The following TSHZ1 variants were observed in gnomAD, a reference collection of about 807,000 sequenced individuals.
The protein encoded by TSHZ1 is teashirt zinc finger homeobox 1, also known as teashirt homolog 1.
A neutral mutation model predicts 67.1 loss-of-function variants in TSHZ1; 12 were observed. The observed-to-expected ratio is 0.18, with a 90% CI of 0.11 to 0.29. TSHZ1 has a LOEUF of 0.29. Among genes scored for constraint, TSHZ1 ranks in the 10% least tolerant of loss-of-function variants. The pLI, the probability that TSHZ1 is intolerant of heterozygous loss-of-function variation, is 1.00. For synonymous variants in TSHZ1, 632 were observed against 622.4 expected, an observed-to-expected ratio of 1.02 and a Z score of -0.23; for missense variants, 1,305 against 1,413.9, an observed-to-expected ratio of 0.92 and a Z score of 1.23.
intron 1 of TSHZ1, among the ~76,000 whole-genome samples, chr18:75,258,176 GCTC>G (rs1343861989): frequency 6.6e-6 from 1 of 152,162 alleles, no homozygotes; most frequent in Non-Finnish European, 1.5e-5. Context: ...CTTCCTCTGT[GCTC>G]CTCCACAGCC....
At chr18:75,237,138 A>G (rs969797546) in intron 1 of TSHZ1, among the ~76,000 whole-genome samples, 14 of 152,136 alleles carry the variant, frequency 9.2e-5, no homozygotes, top group African/African-American at 3.1e-4. Flanking sequence ...AAGGATCCTG[A>G]GATCTGTTCT....
chr18:75,253,597 G>A (rs1178161550), intron 1 of TSHZ1, among the ~76,000 whole-genome samples: 1 of 152,210 alleles, frequency 6.6e-6, no homozygotes, highest in Non-Finnish European at 1.5e-5. Context: ...CCCTGGAAAA[G>A]GAAACCATCT....
intron 1 of TSHZ1, among the ~76,000 whole-genome samples, chr18:75,244,393 G>C (rs1357832772): frequency 6.6e-6 from 1 of 152,218 alleles, no homozygotes; most frequent in Non-Finnish European, 1.5e-5. Context: ...GCATTCTACT[G>C]AACATTTTGA....
Position 75,288,985 on chromosome 18 carries a change from T to C in TSHZ1, c.*344T>C, listed in dbSNP as rs2023825707. Reference sequence around the variant, plus strand: ...AAAAAGACATCCTAAAATGGTGAAGTTGCCATGACAATAAAGGTCATAGAA... The same window carrying C: ...AAAAAGACATCCTAAAATGGTGAAGCTGCCATGACAATAAAGGTCATAGAA... On this transcript the variant is annotated 3_prime_UTR_variant, in exon 2 of 2. Coordinates refer to ENST00000580243, the MANE Select transcript of TSHZ1 (RefSeq NM_001308210.2). The surrounding 1 kb of genome is among the most constrained non-coding windows in gnomAD (Gnocchi z 4.9). 1 of 193,926 alleles carries C rather than the reference T, an allele frequency of 5.2e-6. No individual in the cohort carries two copies. Among genetic ancestry groups the C allele is most frequent in the Non-Finnish European group, 1.2e-5 (1 of 86,686 alleles). 12.0% of individuals were successfully genotyped at this position (193,926 alleles called of 1,614,324 possible). A position where few individuals can be genotyped will look rare whatever the true frequency, so the allele number is the denominator to read the frequency against.
At chr18:75,226,187 G>A (rs1403181588) in intron 1 of TSHZ1, among the ~76,000 whole-genome samples, 1 of 152,102 alleles carries the variant, frequency 6.6e-6, no homozygotes. Flanking sequence ...AGTCCTGATG[G>A]GGGAGGAAAA....
chr18:75,247,989 C>G (rs1462351859), intron 1 of TSHZ1, among the ~76,000 whole-genome samples: 1 of 151,912 alleles, frequency 6.6e-6, no homozygotes, highest in Non-Finnish European at 1.5e-5. Context: ...CATTCAGAAA[C>G]CACAGTAAGA....
intron 1 of TSHZ1, among the ~76,000 whole-genome samples, chr18:75,250,710 G>A (rs1158848189): frequency 6.6e-6 from 1 of 152,250 alleles, no homozygotes; most frequent in Non-Finnish European, 1.5e-5. Flanking sequence ...AGCAGAGCTC[G>A]TGGGCCGGGC....
At chr18:75,264,747 T>C (rs1468955393) in intron 1 of TSHZ1, among the ~76,000 whole-genome samples, 1 of 152,160 alleles carries the variant, frequency 6.6e-6, no homozygotes, top group Non-Finnish European at 1.5e-5. Context: ...CTTATCAGGG[T>C]ATGCATACTT....
At chr18:75,243,645 CGTTT>C (rs1253332672) in intron 1 of TSHZ1, among the ~76,000 whole-genome samples, 2 of 152,050 alleles carry the variant, frequency 1.3e-5, no homozygotes, top group African/African-American at 2.4e-5. Flanking sequence ...CTCCTTGTGG[CGTTT>C]GTTTGTGGAT....
intron 1 of TSHZ1, among the ~76,000 whole-genome samples, chr18:75,217,874 TA>T (rs2022792674): frequency 6.6e-6 from 1 of 152,206 alleles, no homozygotes; most frequent in Admixed American, 6.5e-5. Context: ...TCGATTGTTA[TA>T]AAAAGAAACC....
In TSHZ1 at chr18:75,288,368, T is replaced by G; in HGVS notation, c.2961T>G (p.Ser987Arg). Residue 987 changes from serine (S) to arginine (R), a missense_variant, in exon 2 of 2, where the codon AGT becomes AGG. By Grantham distance (110) the Ser-to-Arg change is moderately radical. Coordinates refer to ENST00000580243, the MANE Select transcript of TSHZ1 (RefSeq NM_001308210.2). This position sits in a 1 kb window ranked among gnomAD's most constrained non-coding sequence, Gnocchi z 4.9. ...TCAGAACTGCTTCTACATACATAAG[T>G]CATTTGGAGACACACTTGGGCTTCA... ...SQFRTASTYI[S>R]HLETHLGFSL... is the part of the protein sequence containing the mutation. 6.2e-7 allele frequency: 1 copy of G among 1,614,166 alleles called. No homozygotes were observed. Among genetic ancestry groups the G allele is most frequent in the Non-Finnish European group, 8.5e-7 (1 of 1,180,040 alleles).
rs762335678 is a variant in TSHZ1 at position 75,286,852 on chromosome 18, G to C, written c.1445G>C (p.Ser482Thr). The change falls in exon 2 of 2, where the codon AGC becomes ACC. Residue 482 changes from serine to threonine, a missense_variant. Physicochemically the swap from Ser to Thr is moderately conservative, Grantham distance 58 (BLOSUM62 1). This residue lies in a region of TSHZ1 where 909 missense variants were observed against 961.8 expected (regional missense o/e 0.95). Transcript: ENST00000580243. This position sits in a 1 kb window ranked among gnomAD's most constrained non-coding sequence, Gnocchi z 5.1. ...PTTHTRLPAS[S>T]IKKQPDSPAG... ...ACCCACACGCGGCTGCCGGCCTCCA[G>C]CATCAAAAAGCAGCCCGACTCTCCC... The C allele has an allele frequency of 6.8e-6, 11 of 1,614,048 alleles. No individual in the cohort carries two copies. The East Asian group carries it at 2.5e-4, about 36-fold the overall frequency.
At chr18:75,285,421 T>C in intron 1 of TSHZ1, 27 bp from the exon 2 acceptor site, 2 of 1,432,864 alleles carry the variant, frequency 1.4e-6, no homozygotes, top group Non-Finnish European at 1.8e-6. Flanking sequence ...TTACTTCTTC[T>C]AACTGGGTTT....
chr18:75,247,520 ACTTTG>A (rs2023239585), intron 1 of TSHZ1, among the ~76,000 whole-genome samples: 1 of 152,244 alleles, frequency 6.6e-6, no homozygotes, highest in Admixed American at 6.5e-5. Flanking sequence ...AAGTTATCTT[ACTTTG>A]AAAAGAACGA....
chr18:75,228,106 G>A (rs747431490), intron 1 of TSHZ1, among the ~76,000 whole-genome samples: 4 of 152,198 alleles, frequency 2.6e-5, no homozygotes, highest in African/African-American at 7.2e-5. Context: ...ACCTGAAAAC[G>A]CGGATCCATG....
At chr18:75,241,782 G>C (rs1013983124) in intron 1 of TSHZ1, among the ~76,000 whole-genome samples, 1 of 151,670 alleles carries the variant, frequency 6.6e-6, no homozygotes, top group Non-Finnish European at 1.5e-5. Context: ...CCCTCTGAAG[G>C]CTCCAGAGGA....
At chr18:75,226,989 A>C (rs961051552) in intron 1 of TSHZ1, among the ~76,000 whole-genome samples, 1 of 152,158 alleles carries the variant, frequency 6.6e-6, no homozygotes. Context: ...GATTGTTCCA[A>C]GCCCAGGAAC....
chr18:75,272,900 A>G (rs561392612), intron 1 of TSHZ1, among the ~76,000 whole-genome samples: 1 of 152,372 alleles, frequency 6.6e-6, no homozygotes, highest in African/African-American at 2.4e-5. Context: ...CTGGCCTGTC[A>G]TATTAAATGC....
Position 75,274,935 on chromosome 18 carries a change from C to G in TSHZ1, c.41-10513C>G, listed in dbSNP as rs142244769. Among the ~76,000 whole-genome samples the G allele has an allele frequency of 7.1e-3, 1,087 of 152,278 alleles. 10 individuals are homozygous for G. Among genetic ancestry groups the G allele is most frequent in the African/African-American group, 0.024 (983 of 41,548 alleles). On this transcript the variant is annotated intron_variant, in intron 1 of 1. Coordinates refer to ENST00000580243, the MANE Select transcript of TSHZ1 (RefSeq NM_001308210.2). The stretch of plus-strand genomic sequence containing the variant: ...TGTTACCCTCTGTTTGGTTTCCAGT[C>G]AAGTATAGAGACAATTATGCAGGAT...
Sources: gnomAD v4.1 joint callset for allele counts (sites outside exome capture counted in the v4.1 genomes callset) on GRCh38, gnomAD v4.1.1 for gene constraint, gnomAD v4.1.1 regional missense constraint, Gnocchi (gnomAD v3.1) non-coding constraint, MANE v1.5 for transcripts, NCBI Gene and HGNC (gene_info 2026-07-23, HGNC 2026-07-21) for gene names.